The following NIBAN3 variants were observed in gnomAD, a reference collection of about 807,000 sequenced individuals.
The protein encoded by NIBAN3 is protein Niban 3.
NIBAN3 carries 66 observed loss-of-function variants against 76.4 expected under a neutral mutation model. The ratio of observed to expected loss-of-function variants is 0.86; its 90% confidence interval spans 0.71 to 1.06. The LOEUF (loss-of-function observed/expected upper bound fraction) is 1.06, where lower values mean the gene tolerates loss of function less well. Ranked by LOEUF, NIBAN3 falls within the 50% of genes least tolerant of loss-of-function variation. The pLI, the probability that NIBAN3 is intolerant of heterozygous loss-of-function variation, is 0.00. For synonymous variants in NIBAN3, 360 were observed against 355.2 expected, an observed-to-expected ratio of 1.01 and a Z score of -0.15; for missense variants, 808 against 810.7, an observed-to-expected ratio of 1.00 and a Z score of 0.04.
intron 2 of NIBAN3, 28 bp from the exon 3 acceptor site, chr19:17,532,234 CT>C (rs748644187): frequency 9.4e-6 from 15 of 1,588,322 alleles, no homozygotes; most frequent in East Asian, 2.2e-5. Flanking sequence ...CCACAGCCCC[CT>C]GACACCCACT....
chr19:17,539,451 G>C lies in NIBAN3; in HGVS notation c.816G>C (p.Glu272Asp). 2 of 1,471,388 alleles carry C rather than the reference G, an allele frequency of 1.4e-6. No homozygotes were observed. The highest frequency in any genetic ancestry group is 1.8e-6 in the Non-Finnish European group (2 of 1,113,206). 91.1% of individuals were successfully genotyped at this position (1,471,388 alleles called of 1,614,324 possible). The change falls in exon 7 of 15, where the codon GAG (glutamate) becomes GAC (aspartate). Residue 272 changes from glutamate to aspartate, a missense_variant and splice_region_variant. Glu to Asp is a conservative substitution (Grantham distance 45). Coordinates refer to ENST00000599164, the MANE Select transcript of NIBAN3 (RefSeq NM_001321827.2). ...GCGCCCGCGCCTGGGCCTGGACCGAGGTATGCACGGCGTCCGGATCCGGGA... is the reference window on the plus strand; with the variant it reads ...GCGCCCGCGCCTGGGCCTGGACCGACGTATGCACGGCGTCCGGATCCGGGA... Reference protein sequence around the residue: ...AGRARAWAWTELLDAVHAAVL... With the variant: ...AGRARAWAWTDLLDAVHAAVL...
At position 17,553,169 on chromosome 19, in the gene NIBAN3, C is replaced by G; in HGVS notation, c.*1271C>G. 1 of 1,179,214 alleles carries G rather than the reference C, an allele frequency of 8.5e-7. No individual in the cohort carries two copies. Among genetic ancestry groups the G allele is most frequent in the South Asian group, 2.1e-5 (1 of 47,290 alleles). The allele number at this position is 1,179,214 out of a possible 1,614,324, so 73.0% of individuals were successfully genotyped here. A position where few individuals can be genotyped will look rare whatever the true frequency, so the allele number is the denominator to read the frequency against. ...TGAATTGCCTGTTCATAGCTTTTTT[C>G]TACTTTTCAGGAGTGTTTGCATTTT... On this transcript the variant is annotated 3_prime_UTR_variant, in exon 15 of 15. Transcript: ENST00000599164.
chr19:17,532,363 G>T lies in NIBAN3; in HGVS notation c.287G>T (p.Arg96Leu). The T allele has an allele frequency of 6.2e-7, 1 of 1,614,162 alleles. No individual in the cohort carries two copies. The highest frequency in any genetic ancestry group is 8.5e-7 in the Non-Finnish European group (1 of 1,180,032). The change falls in exon 3 of 15, where the codon CGC (arginine) becomes CTC (leucine). Residue 96 changes from arginine to leucine, a missense_variant. Physicochemically the swap from Arg to Leu is moderately radical, Grantham distance 102. Transcript: ENST00000599164. Reference protein sequence around the residue: ...PIFCVLRGDGRLEWFSHKEEY... With the variant: ...PIFCVLRGDGLLEWFSHKEEY... ...TTCTGTGTTCTGCGTGGGGACGGCC[G>T]CCTAGAGTGGTTCAGCCACAAGGAG... is the stretch of plus-strand genomic sequence containing the variant.
At chr19:17,548,396 G>C (rs906985091) in intron 13 of NIBAN3, among the ~76,000 whole-genome samples, 1 of 152,302 alleles carries the variant, frequency 6.6e-6, no homozygotes, top group East Asian at 1.9e-4. Context: ...GGAAGTGAGG[G>C]AGGAGGCTGA....
intron 5 of NIBAN3, among the ~76,000 whole-genome samples, chr19:17,538,802 AAG>A (rs759963692): frequency 9.9e-5 from 15 of 151,960 alleles, no homozygotes; most frequent in Non-Finnish European, 2.1e-4. Flanking sequence ...GAGGAAGGGA[AAG>A]AGAGAAAGAA....
intron 3 of NIBAN3, 35 bp downstream of exon 3, chr19:17,532,423 G>T: frequency 6.2e-7 from 1 of 1,614,000 alleles, no homozygotes; most frequent in South Asian, 1.1e-5. Flanking sequence ...CTACTTCTGG[G>T]TCCCTCCTTC....
intron 13 of NIBAN3, among the ~76,000 whole-genome samples, chr19:17,547,178 C>A (rs1417276458): frequency 6.6e-6 from 1 of 151,400 alleles, no homozygotes; most frequent in East Asian, 2.0e-4. Context: ...CATGGTGAAA[C>A]CCCGTCTCTA....
At chr19:17,523,456 G>A (rs983620928), upstream of NIBAN3, 79 of 1,564,334 alleles carry the variant, frequency 5.1e-5, no homozygotes, top group Non-Finnish European at 6.8e-5. Context: ...CTGACCGGAA[G>A]GAGGTTGGTA....
chr19:17,542,349 ACCT>A lies in NIBAN3; in HGVS notation c.1329+59_1329+61del, dbSNP rs1339269566. 5.9e-6 allele frequency: 9 copies of A among 1,527,624 alleles called. No homozygotes were observed. In the African/African-American group the frequency reaches 9.7e-5, roughly 16 times the overall value. The allele number at this position is 1,527,624 out of a possible 1,614,324, so 94.6% of individuals were successfully genotyped here. ...CAGGCTGTGAAGACAGCCTCCACTG[ACCT>A]CCTGCTAAGTGTGCCCTGGAGAGAC... On this transcript the variant is annotated intron_variant, in intron 10 of 14. Transcript: ENST00000599164. The surrounding 1 kb of genome is among the most constrained non-coding windows in gnomAD (Gnocchi z 4.8).
chr19:17,543,236 A>G lies in NIBAN3; in HGVS notation c.1330-81A>G, dbSNP rs1274888191. 3.4e-6 allele frequency: 3 copies of G among 891,058 alleles called. No homozygotes were observed. In the African/African-American group the frequency reaches 5.0e-5, roughly 15 times the overall value. 55.2% of individuals were successfully genotyped at this position (891,058 alleles called of 1,614,324 possible). On this transcript the variant is annotated intron_variant, in intron 10 of 14. Transcript: ENST00000599164. ...GCTGGTTGGAACAGGTTGGATGCTG[A>G]GAAGGGGTCAGCTGGGCAGGAGTGG...
In NIBAN3 at chr19:17,542,409, C is replaced by A; in HGVS notation, c.1329+115C>A. On this transcript the variant is annotated intron_variant, in intron 10 of 14. Transcript: ENST00000599164. This position sits in a 1 kb window ranked among gnomAD's most constrained non-coding sequence, Gnocchi z 4.8. ...GATCGAGACAACTCCGCGGGGCTGCCAGTCTCATGGGGACATGAGCCCGTG... is the reference window on the plus strand; with the variant it reads ...GATCGAGACAACTCCGCGGGGCTGCAAGTCTCATGGGGACATGAGCCCGTG... 2 of 1,162,208 alleles carry A rather than the reference C, an allele frequency of 1.7e-6. No individual in the cohort carries two copies. Among genetic ancestry groups the A allele is most frequent in the African/African-American group, 1.5e-5 (1 of 64,896 alleles). 72.0% of individuals were successfully genotyped at this position (1,162,208 alleles called of 1,614,324 possible). A position where few individuals can be genotyped will look rare whatever the true frequency, so the allele number is the denominator to read the frequency against.
intron 2 of NIBAN3, 76 bp from the exon 3 acceptor site, chr19:17,532,187 G>T: frequency 6.6e-7 from 1 of 1,523,622 alleles, no homozygotes. Context: ...CCAGGATACA[G>T]CGGGTGTCTG....
Position 17,537,605 on chromosome 19 carries a change from C to T in NIBAN3, c.595+62C>T, listed in dbSNP as rs1347323487. 21 of 1,466,416 alleles carry T rather than the reference C, an allele frequency of 1.4e-5. 1 individual carries two copies. In the East Asian group the frequency reaches 4.2e-4, roughly 29 times the overall value. 90.8% of individuals were successfully genotyped at this position (1,466,416 alleles called of 1,614,324 possible). On this transcript the variant is annotated intron_variant, in intron 5 of 14. Coordinates refer to ENST00000599164, the MANE Select transcript of NIBAN3 (RefSeq NM_001321827.2). Reference sequence around the variant, plus strand: ...ATGGTCTGGGGTCAGATGGCTCAGCCTCTGTTGGCTCGGGACCTCTCCAGG... The same window carrying T: ...ATGGTCTGGGGTCAGATGGCTCAGCTTCTGTTGGCTCGGGACCTCTCCAGG...
rs2075980161 is a variant in NIBAN3 at position 17,542,803 on chromosome 19, C to T, written c.1329+509C>T. 1.3e-5 allele frequency among the ~76,000 whole-genome samples: 2 copies of T among 152,044 alleles called. No individual in the cohort carries two copies. The highest frequency in any genetic ancestry group is 4.1e-4 in the South Asian group (2 of 4,828). On this transcript the variant is annotated intron_variant, in intron 10 of 14. Transcript: ENST00000599164. The surrounding 1 kb of genome is among the most constrained non-coding windows in gnomAD (Gnocchi z 4.8). Reference sequence around the variant, plus strand: ...ATGGCTGGATTTAAGGTTTAGGAAGCTTTGCCTGCCATAGGGAGCACAGGC... The same window carrying T: ...ATGGCTGGATTTAAGGTTTAGGAAGTTTTGCCTGCCATAGGGAGCACAGGC...
At chr19:17,536,277 G>A (rs868458791) in intron 4 of NIBAN3, among the ~76,000 whole-genome samples, 2 of 152,006 alleles carry the variant, frequency 1.3e-5, no homozygotes, top group Admixed American at 6.6e-5. Flanking sequence ...TGCAACCTCC[G>A]CCTCCCAGGC....
chr19:17,532,683 T>C (rs1410980914), intron 3 of NIBAN3, among the ~76,000 whole-genome samples: 1 of 152,212 alleles, frequency 6.6e-6, no homozygotes, highest in African/African-American at 2.4e-5. Context: ...CTCTGCTTTC[T>C]GGCTGGGGAG....
At chr19:17,527,237 C>T, upstream of NIBAN3, 1 of 1,549,154 alleles carries the variant, frequency 6.5e-7, no homozygotes, top group Non-Finnish European at 8.7e-7. Context: ...CCTCTGAACC[C>T]ACTGTGACCA....
chr19:17,523,543 G>A (rs2075577317), upstream of NIBAN3: 1 of 1,196,548 alleles, frequency 8.4e-7, no homozygotes, highest in South Asian at 1.4e-5. Flanking sequence ...CAGAGCGGCA[G>A]GCACGGGGCT....
chr19:17,551,450 C>T (rs1189275142), intron 14 of NIBAN3, among the ~76,000 whole-genome samples: 1 of 151,744 alleles, frequency 6.6e-6, no homozygotes, highest in Non-Finnish European at 1.5e-5. Context: ...TCTTGTCACC[C>T]GGGCTGGAGT....
Sources: allele counts gnomAD v4.1 joint callset (sites outside exome capture counted in the v4.1 genomes callset), GRCh38; gene constraint gnomAD v4.1.1; non-coding constraint Gnocchi (gnomAD v3.1); transcripts MANE v1.5; gene names NCBI Gene and HGNC (gene_info 2026-07-23, HGNC 2026-07-21).